CDH13: variants seen among roughly 807,000 people sequenced by gnomAD.
CDH13 encodes the protein cadherin-13.
A neutral mutation model predicts 63.8 loss-of-function variants in CDH13; 24 were observed. That is an observed-to-expected ratio of 0.38 (90% CI 0.27 to 0.53). The LOEUF (loss-of-function observed/expected upper bound fraction) is 0.53, where lower values mean the gene tolerates loss of function less well. Ranked by LOEUF, CDH13 falls within the 20% of genes least tolerant of loss-of-function variation. The pLI is 0.85. For synonymous variants in CDH13, 503 were observed against 355.3 expected (o/e 1.42, Z -4.67); for missense variants, 1,049 against 903.1 (o/e 1.16, Z -2.07).
intron 1 of CDH13, among the ~76,000 whole-genome samples, chr16:82,627,385 T>TGTGTG (rs1555525877): frequency 6.8e-6 from 1 of 147,744 alleles, no homozygotes; most frequent in Non-Finnish European, 1.5e-5. Flanking sequence ...TGTGTGTACG[T>TGTGTG]TCGTTAACGG....
intron 6 of CDH13, among the ~76,000 whole-genome samples, chr16:83,419,914 C>CTT (rs59585439): frequency 0.021 from 2,554 of 122,658 alleles, 143 homozygotes; most frequent in Admixed American, 0.14. Flanking sequence ...ATCGTCCAAT[C>CTT]TTTTTTTTTT....
chr16:82,767,137 A>G (rs2035086470), intron 1 of CDH13, among the ~76,000 whole-genome samples: 1 of 152,196 alleles, frequency 6.6e-6, no homozygotes, highest in Non-Finnish European at 1.5e-5. Context: ...ATTTGCTTAC[A>G]TATTGTTTCT....
chr16:83,566,937 CCCTCA>C, intron 7 of CDH13, among the ~76,000 whole-genome samples: 1 of 152,180 alleles, frequency 6.6e-6, no homozygotes, highest in East Asian at 1.9e-4. Flanking sequence ...CCACCCTCAT[CCCTCA>C]CCTATTCTTT....
intron 8 of CDH13, among the ~76,000 whole-genome samples, chr16:83,616,980 C>T (rs1909336554): frequency 6.6e-6 from 1 of 152,134 alleles, no homozygotes; most frequent in African/African-American, 2.4e-5. Context: ...TGAAAAATTC[C>T]AATTTATCCT....
At chr16:83,759,742 T>C (rs962445014) in intron 11 of CDH13, among the ~76,000 whole-genome samples, 1 of 151,708 alleles carries the variant, frequency 6.6e-6, no homozygotes, top group Non-Finnish European at 1.5e-5. Flanking sequence ...GTGTGAGTAA[T>C]AAAGCAAGAC....
chr16:83,674,464 C>G (rs1234613511), intron 9 of CDH13, among the ~76,000 whole-genome samples: 1 of 152,224 alleles, frequency 6.6e-6, no homozygotes, highest in Non-Finnish European at 1.5e-5. Flanking sequence ...TAAGGGTCCC[C>G]CGGCCAATTT....
chr16:83,635,090 C>T (rs1226134035), intron 8 of CDH13, among the ~76,000 whole-genome samples: 1 of 152,140 alleles, frequency 6.6e-6, no homozygotes, highest in Non-Finnish European at 1.5e-5. Context: ...GGTGTTATCA[C>T]TCTTTTTCAT....
intron 7 of CDH13, among the ~76,000 whole-genome samples, chr16:83,522,628 C>T (rs1424405937): frequency 1.3e-5 from 2 of 152,176 alleles, no homozygotes; most frequent in Non-Finnish European, 2.9e-5. Context: ...AGCAAAGTTG[C>T]CGAGCGCAGT....
intron 4 of CDH13, among the ~76,000 whole-genome samples, chr16:83,163,400 C>G (rs1232846659): frequency 6.6e-6 from 1 of 152,032 alleles, no homozygotes; most frequent in Non-Finnish European, 1.5e-5. Flanking sequence ...CCCCAGGTAA[C>G]ATAAAATAAA....
chr16:83,218,494 A>T (rs2039604240), intron 5 of CDH13, among the ~76,000 whole-genome samples: 1 of 152,186 alleles, frequency 6.6e-6, no homozygotes. Context: ...TATAAATTGA[A>T]TGTTGGTGAC....
chr16:83,506,439 C>T (rs1038279552), intron 7 of CDH13, among the ~76,000 whole-genome samples: 1 of 152,210 alleles, frequency 6.6e-6, no homozygotes, highest in African/African-American at 2.4e-5. Flanking sequence ...CTCCTTGATC[C>T]AAACTACAGT....
intron 2 of CDH13, among the ~76,000 whole-genome samples, chr16:82,964,748 A>T (rs993385429): frequency 3.9e-5 from 6 of 152,268 alleles, no homozygotes; most frequent in African/African-American, 1.4e-4. Flanking sequence ...TATAACCTAC[A>T]GTTATAAAAT....
chr16:83,479,300 G>A (rs186554965), intron 6 of CDH13, among the ~76,000 whole-genome samples: 109 of 152,210 alleles, frequency 7.2e-4, no homozygotes, highest in African/African-American at 2.2e-3. Context: ...TATTTCCCTC[G>A]TCATGATTGC....
intron 10 of CDH13, among the ~76,000 whole-genome samples, chr16:83,706,940 C>T (rs1447335545): frequency 6.6e-6 from 1 of 151,978 alleles, no homozygotes; most frequent in African/African-American, 2.4e-5. Flanking sequence ...CACTTCATCC[C>T]TTCACTATAG....
intron 4 of CDH13, among the ~76,000 whole-genome samples, chr16:83,188,762 G>T (rs761315951): frequency 6.6e-6 from 1 of 152,234 alleles, no homozygotes; most frequent in Non-Finnish European, 1.5e-5. Flanking sequence ...AGAAATTGAG[G>T]TGGTTAGGAT....
At chr16:82,668,795 G>C (rs1301636742) in intron 1 of CDH13, among the ~76,000 whole-genome samples, 1 of 152,210 alleles carries the variant, frequency 6.6e-6, no homozygotes, top group African/African-American at 2.4e-5. Flanking sequence ...ACCTGGGACA[G>C]AACAGGGAAA....
At chr16:83,522,574 A>G (rs956501517) in intron 7 of CDH13, among the ~76,000 whole-genome samples, 1 of 152,130 alleles carries the variant, frequency 6.6e-6, no homozygotes, top group Non-Finnish European at 1.5e-5. Context: ...TGGCCAATAA[A>G]TGTCTAGTTT....
chr16:82,851,541 T>G (rs886381073), intron 1 of CDH13, among the ~76,000 whole-genome samples: 2 of 152,148 alleles, frequency 1.3e-5, no homozygotes, highest in African/African-American at 2.4e-5. Context: ...GTAAAACCAT[T>G]TGTAAGTGTC....
At chr16:83,257,320 T>G (rs566279006) in intron 5 of CDH13, among the ~76,000 whole-genome samples, 5 of 152,208 alleles carry the variant, frequency 3.3e-5, no homozygotes, top group African/African-American at 1.2e-4. Flanking sequence ...TTCATCGTAT[T>G]TTTTTTCTTT....
Sources: allele counts gnomAD v4.1 joint callset (sites outside exome capture counted in the v4.1 genomes callset), GRCh38; gene constraint gnomAD v4.1.1; transcripts MANE v1.5; gene names NCBI Gene and HGNC (gene_info 2026-07-23, HGNC 2026-07-21).